TRAK1: variants seen among roughly 807,000 people sequenced by gnomAD.
TRAK1 encodes the protein trafficking kinesin protein 1.
Under a neutral mutation model 92.1 loss-of-function variants are expected in TRAK1, and 33 were observed. The ratio of observed to expected loss-of-function variants is 0.36; its 90% CI spans 0.27 to 0.48. The LOEUF is 0.48. TRAK1 is among the 20% of genes least tolerant of loss of function. The probability of loss-of-function intolerance (pLI) is 0.99; values close to 1 mark genes in which losing one functional copy is unlikely to be tolerated. For synonymous variants in TRAK1, 521 were observed against 517.3 expected, an observed-to-expected ratio of 1.01 and a Z score of -0.10; for missense variants, 1,123 against 1,257.9, an observed-to-expected ratio of 0.89 and a Z score of 1.62.
intron 14 of TRAK1, chr3:42,218,996 G>T: frequency 1.0e-6 from 1 of 985,382 alleles, no homozygotes; most frequent in Non-Finnish European, 1.2e-6. Flanking sequence ...CCCTTTTTGT[G>T]TAAGCAGAAA....
At chr3:42,160,099 CGCCAAGTGCTCCA>C in intron 2 of TRAK1, 3 of 931,164 alleles carry the variant, frequency 3.2e-6, no homozygotes, top group Non-Finnish European at 2.8e-6. Context: ...ATTCCCACCC[CGCCAAGTGCTCCA>C]CCCCACCCCG....
intron 1 of TRAK1, among the ~76,000 whole-genome samples, chr3:42,118,674 C>G (rs962802368): frequency 1.3e-5 from 2 of 152,264 alleles, no homozygotes; most frequent in South Asian, 4.1e-4. Context: ...ACTTTCTTCA[C>G]TCCCTGGTGG....
intron 1 of TRAK1, among the ~76,000 whole-genome samples, chr3:42,097,285 T>C (rs981459848): frequency 1.3e-5 from 2 of 152,266 alleles, no homozygotes; most frequent in Non-Finnish European, 2.9e-5. Flanking sequence ...GGGATAGCCA[T>C]GTTCCCACAT....
At chr3:42,153,407 A>T (rs994732844) in intron 2 of TRAK1, among the ~76,000 whole-genome samples, 3 of 150,492 alleles carry the variant, frequency 2.0e-5, no homozygotes, top group African/African-American at 7.3e-5. Context: ...AAAAAAAATA[A>T]AAAAAAAAGG....
intron 2 of TRAK1, chr3:42,160,556 C>CTT: frequency 6.6e-5 from 79 of 1,199,292 alleles, no homozygotes; most frequent in Non-Finnish European, 8.1e-5. Context: ...TTTCATAGCA[C>CTT]TGTTTTGTTT....
At chr3:42,190,087 T>C (rs984015862) in intron 6 of TRAK1, among the ~76,000 whole-genome samples, 10 of 152,336 alleles carry the variant, frequency 6.6e-5, no homozygotes, top group Admixed American at 2.0e-4. Flanking sequence ...TGCAAGTCTG[T>C]GACTCTAAGC....
rs1236308766 is a variant in TRAK1 at position 42,191,005 on chromosome 3, C to T, written c.691-553C>T. Reference sequence around the variant, plus strand: ...TCAGCCAGGGCAAGTTGTCCAGAGTCCTGGGGTGGCTCTTGTGCCTCTGCA... The same window carrying T: ...TCAGCCAGGGCAAGTTGTCCAGAGTTCTGGGGTGGCTCTTGTGCCTCTGCA... On this transcript the variant is annotated intron_variant, in intron 6 of 15. Coordinates refer to ENST00000327628, the MANE Select transcript of TRAK1 (RefSeq NM_001042646.3). 9.8e-5 allele frequency among the ~76,000 whole-genome samples: 15 copies of T among 152,296 alleles called. No homozygotes were observed. In the East Asian group the frequency reaches 2.9e-3, roughly 29 times the overall value.
chr3:42,149,152 G>A (rs1699662523), intron 2 of TRAK1: 1 of 1,009,394 alleles, frequency 9.9e-7, no homozygotes, highest in Non-Finnish European at 1.2e-6. Context: ...CAGGAGACGA[G>A]GCTTGAGTGA....
chr3:42,190,119 C>G (rs868241809), intron 6 of TRAK1, among the ~76,000 whole-genome samples: 5 of 152,114 alleles, frequency 3.3e-5, no homozygotes, highest in African/African-American at 1.2e-4. Context: ...CACCTTCACC[C>G]ACTGCCCCTC....
chr3:42,095,046 C>T lies in TRAK1; in HGVS notation c.91+3486C>T, dbSNP rs1385159643. Among the ~76,000 whole-genome samples the T allele has an allele frequency of 2.1e-4, 32 of 152,250 alleles. 1 individual carries two copies. The highest frequency in any genetic ancestry group is 2.0e-3 in the Admixed American group (31 of 15,284). On this transcript the variant is annotated intron_variant, in intron 1 of 15. Transcript: ENST00000327628. ...TCAGCCTGCTTATTCATGTTCATCT[C>T]ACCCAGAAACACTACCACAGACACA...
chr3:42,163,987 C>T (rs1233827844), intron 2 of TRAK1, among the ~76,000 whole-genome samples: 1 of 152,194 alleles, frequency 6.6e-6, no homozygotes, highest in Admixed American at 6.5e-5. Context: ...AAGGTTTGCT[C>T]CTGACATGAA....
chr3:42,088,577 G>A (rs144678431), upstream of TRAK1, among the ~76,000 whole-genome samples: 138 of 152,324 alleles, frequency 9.1e-4, 3 homozygotes, highest in Middle Eastern at 0.024. Flanking sequence ...GCAGGCCAGT[G>A]TCTCTGCTCT....
At chr3:42,052,702 A>G (rs139823254) in intron 1 of TRAK1, among the ~76,000 whole-genome samples, 4 of 152,134 alleles carry the variant, frequency 2.6e-5, no homozygotes, top group African/African-American at 4.8e-5. Flanking sequence ...ATTTCCTTCT[A>G]ATCTTTATTC....
chr3:42,213,907 G>T (rs1397072045), intron 14 of TRAK1, among the ~76,000 whole-genome samples: 1 of 152,138 alleles, frequency 6.6e-6, no homozygotes, highest in Non-Finnish European at 1.5e-5. Context: ...GGACAGAGTG[G>T]ATAGTTGGCT....
intron 1 of TRAK1, among the ~76,000 whole-genome samples, chr3:42,070,263 A>T (rs1247113327): frequency 1.4e-5 from 2 of 147,812 alleles, no homozygotes; most frequent in African/African-American, 4.9e-5. Flanking sequence ...TTATAATTAT[A>T]ATAATTATGA....
chr3:42,193,171 C>G lies in TRAK1; in HGVS notation c.866C>G (p.Ser289Trp). 6.2e-7 allele frequency: 1 copy of G among 1,614,170 alleles called. No homozygotes were observed. Among genetic ancestry groups the G allele is most frequent in the South Asian group, 1.1e-5 (1 of 91,072 alleles). Residue 289 changes from serine (S) to tryptophan (W), a missense_variant, in exon 8 of 16, where the codon TCG becomes TGG. Physicochemically the swap from Ser to Trp is radical, Grantham distance 177. Around this residue, in one of 3 missense-constraint regions of TRAK1, gnomAD observed 686 missense variants for 747.6 expected, o/e 0.92. Transcript: ENST00000327628. ...CAAGAGGAGATCACACACCTGCTAT[C>G]GCAAATAGTTGATTTGCAGAAAAAG... Reference protein sequence around the residue: ...RQQEEITHLLSQIVDLQKKAK... With the variant: ...RQQEEITHLLWQIVDLQKKAK...
Position 42,189,945 on chromosome 3 carries a change from A to AT in TRAK1, c.690+831dup, listed in dbSNP as rs796627257. 1.9e-3 allele frequency among the ~76,000 whole-genome samples: 276 copies of AT among 148,772 alleles called. 1 individual carries two copies. The highest frequency in any genetic ancestry group is 5.4e-3 in the African/African-American group (218 of 40,744). On this transcript the variant is annotated intron_variant, in intron 6 of 15. Coordinates refer to ENST00000327628, the MANE Select transcript of TRAK1 (RefSeq NM_001042646.3). Reference sequence around the variant, plus strand: ...GCAGTGTGCCAGGCATTTTGCCCACATTTTTTTTTTAGAGTTCACAGCAGG... The same window carrying AT: ...GCAGTGTGCCAGGCATTTTGCCCACATTTTTTTTTTTAGAGTTCACAGCAGG...
chr3:42,190,039 C>T (rs904177791), intron 6 of TRAK1, among the ~76,000 whole-genome samples: 2 of 152,066 alleles, frequency 1.3e-5, no homozygotes, highest in Non-Finnish European at 2.9e-5. Context: ...TTTGATAACC[C>T]GAGGTCATTT....
chr3:42,074,339 G>A (rs966489929), intron 1 of TRAK1, among the ~76,000 whole-genome samples: 4 of 152,196 alleles, frequency 2.6e-5, no homozygotes, highest in South Asian at 2.1e-4. Context: ...GGCTGTCGAC[G>A]CTTTAAAAGA....
Sources: allele counts gnomAD v4.1 joint callset (sites outside exome capture counted in the v4.1 genomes callset), GRCh38; gene constraint gnomAD v4.1.1; regional missense constraint gnomAD v4.1.1; transcripts MANE v1.5; gene names NCBI Gene and HGNC (gene_info 2026-07-23, HGNC 2026-07-21).